The following HIRIP3 variants were observed in gnomAD, a reference collection of about 807,000 sequenced individuals.
HIRIP3 encodes HIRA-interacting protein 3.
HIRIP3 carries 40 observed loss-of-function variants against 50.3 expected under a neutral mutation model. That is an observed-to-expected ratio of 0.79 (90% CI 0.62 to 1.03). The LOEUF (loss-of-function observed/expected upper bound fraction) is 1.03. Among genes scored for constraint, HIRIP3 ranks in the 50% least tolerant of loss-of-function variants. HIRIP3 has a pLI of 0.00. For missense variants in HIRIP3, 765 were observed against 705.4 expected (o/e 1.08, Z -0.96); for synonymous variants, 318 against 261.6 (o/e 1.22, Z -2.08).
rs750071446 is a variant in HIRIP3, at chr16:29,993,747, C to T, written c.1301G>A (p.Arg434Gln). ...PAVMRLKRYIRACGAHRNYKK... is the reference protein window; with the variant it reads ...PAVMRLKRYIQACGAHRNYKK... ...GTAGTTTCGATGGGCACCACAGGCC[C>T]GAATGTAGCGCTTCAGCCTCATCAC... The change falls in exon 5 of 7, where the codon CGG becomes CAG. Residue 434 changes from arginine to glutamine, a missense_variant. Coordinates refer to ENST00000279392, the MANE Select transcript of HIRIP3 (RefSeq NM_003609.5). The T allele has an allele frequency of 4.2e-5, 68 of 1,609,226 alleles. No individual in the cohort carries two copies. The highest frequency in any genetic ancestry group is 5.5e-5 in the Non-Finnish European group (65 of 1,180,002).
rs370254174 is a variant in HIRIP3 at position 29,993,975 on chromosome 16, G to C, written c.1170C>G (p.Ser390Arg). The C allele has an allele frequency of 3.2e-6, 5 of 1,565,628 alleles. No individual in the cohort carries two copies. The highest frequency in any genetic ancestry group is 4.3e-6 in the Non-Finnish European group (5 of 1,157,100). Residue 390 changes from serine (S) to arginine (R), a missense_variant, in exon 4 of 7, where the codon AGC becomes AGG. Ser to Arg is a moderately radical substitution (Grantham distance 110). Transcript: ENST00000279392. The part of the protein sequence containing the change: ...GERKNRSSKK[S>R]SRKGRTRSSS... ...AGCTTCGTGTCCTGCCTTTCCTGGA[G>C]CTCTTCTTGGAAGAGCGGTTCTTCC... is the stretch of plus-strand genomic sequence containing the variant.
At position 29,995,594 on chromosome 16, in the gene HIRIP3, C is replaced by T. The variant is rs768813952; in HGVS notation, c.12G>A (p.Glu4=). The change falls in exon 1 of 7, where the codon GAG becomes GAA. Residue 4 remains glutamate (E), a synonymous_variant. Coordinates refer to ENST00000279392, the MANE Select transcript of HIRIP3 (RefSeq NM_003609.5). MAR[E]KEMQEFTRSF... is the part of the protein sequence containing the mutation. ...TACGGGTGAACTCCTGCATCTCCTT[C>T]TCCCGCGCCATTTTGCTCAACCCGG... 3.7e-6 allele frequency: 6 copies of T among 1,612,328 alleles called. No individual in the cohort carries two copies. Among genetic ancestry groups the T allele is most frequent in the Admixed American group, 1.7e-5 (1 of 60,022 alleles).
In HIRIP3 at chr16:29,993,994, T is replaced by C. The variant is rs1181548476; in HGVS notation, c.1151A>G (p.Asn384Ser). 9 of 1,584,292 alleles carry C rather than the reference T, an allele frequency of 5.7e-6. No homozygotes were observed. Among genetic ancestry groups the C allele is most frequent in the African/African-American group, 1.4e-5 (1 of 73,754 alleles). ...AGGGPQGERK[N>S]RSSKKSSRKG... is the part of the protein sequence containing the mutation. Reference sequence around the variant, plus strand: ...CCTGGAGCTCTTCTTGGAAGAGCGGTTCTTCCTCTCCCCCTGGGGGCCTCC... The same window carrying C: ...CCTGGAGCTCTTCTTGGAAGAGCGGCTCTTCCTCTCCCCCTGGGGGCCTCC... The change falls in exon 4 of 7, where the codon AAC (asparagine) becomes AGC (serine). Residue 384 changes from asparagine (N) to serine (S), a missense_variant. Asn to Ser is a conservative substitution (Grantham distance 46). Coordinates refer to ENST00000279392, the MANE Select transcript of HIRIP3 (RefSeq NM_003609.5).
chr16:29,995,289 TCAG>T (rs761337804), intron 2 of HIRIP3, 51 bp downstream of exon 2: 16 of 1,609,922 alleles, frequency 9.9e-6, no homozygotes, highest in Non-Finnish European at 1.4e-5. Context: ...CCCCTCCTCC[TCAG>T]CAGCAAGCCC....
chr16:29,995,266 G>A (rs770286943), intron 2 of HIRIP3, 49 bp from the exon 3 acceptor site: 9 of 1,612,760 alleles, frequency 5.6e-6, no homozygotes, highest in Admixed American at 1.7e-5. Context: ...TGCGCTCACC[G>A]CGCCCCGTCA....
In HIRIP3 at chr16:29,994,851, A is replaced by G. The variant is rs1260762158; in HGVS notation, c.302-8T>C. On this transcript the variant is annotated splice_polypyrimidine_tract_variant and splice_region_variant and intron_variant, in intron 3 of 6. Coordinates refer to ENST00000279392, the MANE Select transcript of HIRIP3 (RefSeq NM_003609.5). ...AGGCTTCAGAGCCGGACTCTGGAAT[A>G]TGGAGAGGAGAGAGGGTTGAGACAG... is the stretch of plus-strand genomic sequence containing the variant. The G allele has an allele frequency of 6.3e-7, 1 of 1,595,868 alleles. No individual in the cohort carries two copies. Among genetic ancestry groups the G allele is most frequent in the Non-Finnish European group, 8.5e-7 (1 of 1,171,370 alleles).
rs961018748 is a variant in HIRIP3 at position 29,993,467 on chromosome 16, C to T, written c.1499G>A (p.Ser500Asn). The part of the protein sequence containing the change: ...VASLDVANII[S>N]GSGRPRRRTA... ...GAGAGGAAACCCCTTACCCGAGCCA[C>T]TGATGATGTTCGCAACATCCAAGGA... is the stretch of plus-strand genomic sequence containing the variant. The change falls in exon 6 of 7, where the codon AGT (serine) becomes AAT (asparagine). Residue 500 changes from serine (S) to asparagine (N), a missense_variant. Ser to Asn is a conservative substitution (Grantham distance 46, BLOSUM62 1). Coordinates refer to ENST00000279392, the MANE Select transcript of HIRIP3 (RefSeq NM_003609.5). 2.5e-6 allele frequency: 4 copies of T among 1,612,872 alleles called. No homozygotes were observed. The Admixed American group carries it at 5.0e-5, about 20-fold the overall frequency.
chr16:29,994,584 G>A lies in HIRIP3; in HGVS notation c.561C>T (p.Val187=). The change falls in exon 4 of 7, where the codon GTC becomes GTT. Residue 187 remains valine, a synonymous_variant. Transcript: ENST00000279392. ...TTTCTTCCCTGGCCTGCTTCCTACT[G>A]ACTGAGGCCTTGCCTGGTGCCTGCT... The part of the protein sequence containing the change: ...VKKQAPGKAS[V]SRKQAREESE... 6.2e-7 allele frequency: 1 copy of A among 1,614,036 alleles called. No homozygotes were observed. Among genetic ancestry groups the A allele is most frequent in the Middle Eastern group, 1.6e-4 (1 of 6,062 alleles).
upstream of HIRIP3, chr16:29,995,763 A>G (rs2070085491): frequency 1.2e-6 from 1 of 833,726 alleles, no homozygotes; most frequent in Non-Finnish European, 1.9e-6. Flanking sequence ...ACTTTGCCAG[A>G]CGAGACTTGT....
chr16:29,996,060 G>A (rs1159143872), upstream of HIRIP3: 22 of 596,288 alleles, frequency 3.7e-5, 1 homozygote, highest in East Asian at 4.7e-4. Context: ...GCTTTCCAGC[G>A]TCCGCCATTT....
At chr16:29,995,253 G>C (rs1195089929) in intron 2 of HIRIP3, 36 bp from the exon 3 acceptor site, 16 of 1,613,522 alleles carry the variant, frequency 9.9e-6, no homozygotes, top group Non-Finnish European at 1.4e-5. Flanking sequence ...TATGCACCAA[G>C]GCTGCGCTCA....
chr16:29,994,972 C>CTGTT (rs1724311133), intron 3 of HIRIP3, 129 bp from the exon 4 acceptor site: 4 of 1,485,500 alleles, frequency 2.7e-6, no homozygotes, highest in Non-Finnish European at 2.8e-6. Context: ...TCTGTACTTG[C>CTGTT]TGTTCCCGGT....
rs371060599 is a variant in HIRIP3, at chr16:29,993,160, G to A, written c.*47C>T. The A allele has an allele frequency of 2.6e-6, 4 of 1,517,594 alleles. No homozygotes were observed. Among genetic ancestry groups the A allele is most frequent in the Non-Finnish European group, 3.5e-6 (4 of 1,127,840 alleles). The allele number at this position is 1,517,594 out of a possible 1,614,324, so 94.0% of individuals were successfully genotyped here. On this transcript the variant is annotated 3_prime_UTR_variant, in exon 7 of 7. Coordinates refer to ENST00000279392, the MANE Select transcript of HIRIP3 (RefSeq NM_003609.5). ...ACAGACACAGGGCAAGGGGTGCTAT[G>A]TATGCTTTGTACATGTATCAAGGGT... is the stretch of plus-strand genomic sequence containing the variant.
chr16:29,994,383 C>T lies in HIRIP3; in HGVS notation c.762G>A (p.Lys254=), dbSNP rs1171783815. The T allele has an allele frequency of 5.6e-6, 9 of 1,614,130 alleles. No individual in the cohort carries two copies. The highest frequency in any genetic ancestry group is 7.6e-6 in the Non-Finnish European group (9 of 1,180,014). The change falls in exon 4 of 7, where the codon AAG becomes AAA. Residue 254 remains lysine (K), a synonymous_variant. Transcript: ENST00000279392. ...TCCTGGTTCTGGGTTTCCAATCCCC[C>T]TTTTCCTCATCCTCTTCTTTCTCTT... is the stretch of plus-strand genomic sequence containing the variant. ...EEEEKEEDEE[K]GDWKPRTRSN... is the part of the protein sequence containing the mutation.
Position 29,995,534 on chromosome 16 carries a change from T to C in HIRIP3, c.65+7A>G, listed in dbSNP as rs1197241446. ...CTTTCCAACCCCATCTCCAACCCCC[T>C]GGGCACCTGAGGTCCGGGCGGCCTC... On this transcript the variant is annotated splice_region_variant and intron_variant, in intron 1 of 6. Transcript: ENST00000279392. 1 of 1,613,282 alleles carries C rather than the reference T, an allele frequency of 6.2e-7. No individual in the cohort carries two copies. The highest frequency in any genetic ancestry group is 1.7e-5 in the Admixed American group (1 of 60,032).
Position 29,995,566 on chromosome 16 carries a change from A to G in HIRIP3, c.40T>C (p.Phe14Leu). Residue 14 changes from phenylalanine to leucine, a missense_variant, in exon 1 of 7, where the codon TTC (phenylalanine) becomes CTC (leucine). Transcript: ENST00000279392. ...CTGAGGTCCGGGCGGCCTCGGAAGA[A>G]GCTACGGGTGAACTCCTGCATCTCC... ...EKEMQEFTRS[F>L]FRGRPDLSTL... 1.2e-6 allele frequency: 2 copies of G among 1,612,758 alleles called. No individual in the cohort carries two copies. The highest frequency in any genetic ancestry group is 8.5e-7 in the Non-Finnish European group (1 of 1,180,032).
intron 3 of HIRIP3, 33 bp from the exon 4 acceptor site, chr16:29,994,876 G>C: frequency 1.3e-6 from 2 of 1,562,744 alleles, no homozygotes; most frequent in Non-Finnish European, 1.7e-6. Flanking sequence ...GGTTGAGACA[G>C]GCTCCTCCTG....
chr16:29,995,754 C>T, upstream of HIRIP3: 1 of 921,046 alleles, frequency 1.1e-6, no homozygotes, highest in Non-Finnish European at 1.6e-6. Flanking sequence ...GGGCCGAGAA[C>T]TTTGCCAGAC....
rs773846275 is a variant in HIRIP3 at position 29,994,007 on chromosome 16, C to G, written c.1138G>C (p.Gly380Arg). The stretch of plus-strand genomic sequence containing the variant: ...TTGGAAGAGCGGTTCTTCCTCTCCC[C>G]CTGGGGGCCTCCCCCTGCCTCGCTG... ...SDSEAGGGPQ[G>R]ERKNRSSKKS... Residue 380 changes from glycine to arginine, a missense_variant, in exon 4 of 7, where the codon GGG becomes CGG. By Grantham distance (125) the Gly-to-Arg change is moderately radical. Coordinates refer to ENST00000279392, the MANE Select transcript of HIRIP3 (RefSeq NM_003609.5). 1.3e-6 allele frequency: 2 copies of G among 1,599,846 alleles called. No homozygotes were observed. The highest frequency in any genetic ancestry group is 1.7e-6 in the Non-Finnish European group (2 of 1,172,766).
Sources: gnomAD v4.1 joint callset for allele counts on GRCh38, gnomAD v4.1.1 for gene constraint, MANE v1.5 for transcripts, NCBI Gene and HGNC (gene_info 2026-07-23, HGNC 2026-07-21) for gene names.